The following PRUNE2 variants were observed in gnomAD, a reference collection of about 807,000 sequenced individuals.
PRUNE2 encodes protein prune homolog 2.
In PRUNE2, 164 loss-of-function variants were observed where a neutral mutation model predicts 252.0. That is an observed-to-expected ratio of 0.65 (90% CI 0.57 to 0.74). PRUNE2 has a LOEUF of 0.74. Ranked by LOEUF, PRUNE2 falls within the 30% of genes least tolerant of loss-of-function variation. The pLI is 0.00. For synonymous variants in PRUNE2, 1,292 were observed against 1,350.2 expected (o/e 0.96, Z 0.94); for missense variants, 3,495 against 3,711.0 (o/e 0.94, Z 1.51).
intron 9 of PRUNE2, among the ~76,000 whole-genome samples, chr9:76,666,189 C>A (rs185575940): frequency 7.2e-5 from 11 of 152,244 alleles, no homozygotes; most frequent in African/African-American, 2.4e-4. Flanking sequence ...GGAAGACACC[C>A]GTTGCCAAGC....
intron 9 of PRUNE2, among the ~76,000 whole-genome samples, chr9:76,657,538 C>CTGAG (rs2133443038): frequency 6.6e-6 from 1 of 152,308 alleles, no homozygotes; most frequent in East Asian, 1.9e-4. Flanking sequence ...GGTTTTAGTT[C>CTGAG]TGAGTTATAG....
At chr9:76,752,531 G>GTT (rs11432770) in intron 6 of PRUNE2, among the ~76,000 whole-genome samples, 2 of 151,830 alleles carry the variant, frequency 1.3e-5, no homozygotes, top group Admixed American at 6.6e-5. Flanking sequence ...ATATTAGAAA[G>GTT]TTTTTTTCCT....
chr9:76,853,720 T>C (rs571286225), intron 2 of PRUNE2, among the ~76,000 whole-genome samples: 2 of 152,376 alleles, frequency 1.3e-5, no homozygotes, highest in African/African-American at 4.8e-5. Context: ...TGCACGTATT[T>C]TTCTGCTCCC....
chr9:76,727,472 T>C (rs909718182), intron 6 of PRUNE2, among the ~76,000 whole-genome samples: 6 of 152,146 alleles, frequency 3.9e-5, no homozygotes, highest in Non-Finnish European at 8.8e-5. Context: ...ATCAATTGTC[T>C]TTTAGTTTAG....
At chr9:76,806,617 C>G (rs2056957989) in intron 6 of PRUNE2, among the ~76,000 whole-genome samples, 1 of 151,446 alleles carries the variant, frequency 6.6e-6, no homozygotes, top group Middle Eastern at 3.4e-3. Flanking sequence ...ACGCCATTCT[C>G]CTGCCTCAGC....
At chr9:76,677,532 C>T (rs1428644595) in intron 9 of PRUNE2, among the ~76,000 whole-genome samples, 3 of 152,162 alleles carry the variant, frequency 2.0e-5, no homozygotes, top group East Asian at 1.9e-4. Context: ...AGGCTGAGGG[C>T]GCTGCTGGCA....
chr9:76,877,782 C>T (rs1459912110), intron 1 of PRUNE2, among the ~76,000 whole-genome samples: 2 of 152,208 alleles, frequency 1.3e-5, no homozygotes, highest in African/African-American at 4.8e-5. Flanking sequence ...AATGTTTTTA[C>T]AGGGGCAGGC....
At chr9:76,669,540 G>A (rs527883036) in intron 9 of PRUNE2, among the ~76,000 whole-genome samples, 3 of 152,120 alleles carry the variant, frequency 2.0e-5, no homozygotes, top group South Asian at 2.1e-4. Context: ...GGCTAGTCTT[G>A]AACTCCTGAC....
intron 1 of PRUNE2, among the ~76,000 whole-genome samples, chr9:76,885,320 G>A (rs1004120124): frequency 2.0e-5 from 3 of 152,198 alleles, no homozygotes; most frequent in East Asian, 3.9e-4. Context: ...ATGACATAAT[G>A]CCTTCTAGCT....
chr9:76,666,561 G>T (rs1390386181), intron 9 of PRUNE2, among the ~76,000 whole-genome samples: 1 of 152,158 alleles, frequency 6.6e-6, no homozygotes, highest in Admixed American at 6.5e-5. Context: ...TGGCTGCCAG[G>T]CAGGGAAGGG....
At chr9:76,666,803 C>T (rs555639453) in intron 9 of PRUNE2, among the ~76,000 whole-genome samples, 1 of 152,278 alleles carries the variant, frequency 6.6e-6, no homozygotes, top group Admixed American at 6.5e-5. Context: ...TCTCCGCACA[C>T]AGGGAGAAAA....
At chr9:76,758,463 T>G (rs2051365147) in intron 6 of PRUNE2, 3 of 152,254 alleles carry the variant, frequency 2.0e-5, no homozygotes, top group African/African-American at 7.2e-5. Context: ...ATAATTGCTC[T>G]GTTGAATCAG....
rs1840657702 is a variant in PRUNE2 at position 76,637,459 on chromosome 9, C to T, written c.8922G>A (p.Gly2974=). The part of the protein sequence containing the change: ...NGATPRRRMP[G]LGWMKKCYQM... ...GGTAGCATTTCTTCATCCAGCCTAG[C>T]CCTGGCATCCTCCTTCTTGGGGTTG... Residue 2974 remains glycine, a synonymous_variant, in exon 14 of 19, where the codon GGG becomes GGA. Coordinates refer to ENST00000376718, the MANE Select transcript of PRUNE2 (RefSeq NM_015225.3). The T allele has an allele frequency of 1.2e-6, 2 of 1,613,514 alleles. No individual in the cohort carries two copies. The highest frequency in any genetic ancestry group is 1.3e-5 in the African/African-American group (1 of 74,898).
At chr9:76,822,462 C>T (rs2058087897) in intron 6 of PRUNE2, among the ~76,000 whole-genome samples, 1 of 152,136 alleles carries the variant, frequency 6.6e-6, no homozygotes, top group South Asian at 2.1e-4. Flanking sequence ...AATATGAGTG[C>T]CTGCTATTCC....
At chr9:76,824,851 T>C (rs988435388) in intron 5 of PRUNE2, among the ~76,000 whole-genome samples, 1 of 152,158 alleles carries the variant, frequency 6.6e-6, no homozygotes, top group Non-Finnish European at 1.5e-5. Flanking sequence ...AAAGCCACAA[T>C]CTTTCACAAT....
At chr9:76,802,148 A>G (rs2056603435) in intron 6 of PRUNE2, among the ~76,000 whole-genome samples, 1 of 152,188 alleles carries the variant, frequency 6.6e-6, no homozygotes, top group Admixed American at 6.5e-5. Flanking sequence ...ATATATAAAT[A>G]TATACATACT....
In PRUNE2 at chr9:76,703,735, G is replaced by A; in HGVS notation, c.7878C>T (p.Ser2626=). The A allele has an allele frequency of 1.2e-6, 2 of 1,613,594 alleles. No individual in the cohort carries two copies. Among genetic ancestry groups the A allele is most frequent in the East Asian group, 2.2e-5 (1 of 44,886 alleles). Residue 2626 remains serine (S), a synonymous_variant, in exon 9 of 19, where the codon AGC becomes AGT. Transcript: ENST00000376718. ...ACATCCAACTCTGGTCTTGTGCAGG[G>A]CTTTCAAAAGATGATCTCGTATCGC... The part of the protein sequence containing the change: ...SKSDTRSSFE[S]PAQDQSWMFL...
In PRUNE2 at chr9:76,708,036, C is replaced by T. The variant is rs774256080; in HGVS notation, c.4238G>A (p.Arg1413His). Reference sequence around the variant, plus strand: ...TGCGGACATCCCTGTTTGCACATCACGGGAGTCTAGATTGTAAGACCCCTC... The same window carrying T: ...TGCGGACATCCCTGTTTGCACATCATGGGAGTCTAGATTGTAAGACCCCTC... Reference protein sequence around the residue: ...YEEGSYNLDSRDVQTGMSADN... With the variant: ...YEEGSYNLDSHDVQTGMSADN... The change falls in exon 8 of 19, where the codon CGT (arginine) becomes CAT (histidine). Residue 1413 changes from arginine (R) to histidine (H), a missense_variant. Physicochemically the swap from Arg to His is conservative, Grantham distance 29 (BLOSUM62 0). Coordinates refer to ENST00000376718, the MANE Select transcript of PRUNE2 (RefSeq NM_015225.3). The T allele has an allele frequency of 1.4e-5, 22 of 1,613,920 alleles. No individual in the cohort carries two copies. The highest frequency in any genetic ancestry group is 6.6e-5 in the South Asian group (6 of 91,076).
chr9:76,724,464 A>G (rs1437557682), intron 6 of PRUNE2, among the ~76,000 whole-genome samples: 1 of 151,878 alleles, frequency 6.6e-6, no homozygotes, highest in African/African-American at 2.4e-5. Context: ...GTGACAGAGC[A>G]AGACCCTGTC....
Sources: gnomAD v4.1 joint callset for allele counts (sites outside exome capture counted in the v4.1 genomes callset) on GRCh38, gnomAD v4.1.1 for gene constraint, MANE v1.5 for transcripts, NCBI Gene and HGNC (gene_info 2026-07-23, HGNC 2026-07-21) for gene names.